The following XYLT1 variants were observed in gnomAD, a reference collection of about 807,000 sequenced individuals.
The protein encoded by XYLT1 is beta-D-xylosyltransferase 1.
A neutral mutation model predicts 91.3 loss-of-function variants in XYLT1; 36 were observed. The ratio of observed to expected loss-of-function variants is 0.39; its 90% CI spans 0.30 to 0.52. The LOEUF (loss-of-function observed/expected upper bound fraction) is 0.52. Among genes scored for constraint, XYLT1 ranks in the 20% least tolerant of loss-of-function variants. The pLI, the probability that XYLT1 is intolerant of heterozygous loss-of-function variation, is 0.68. For synonymous variants in XYLT1, 588 were observed against 532.0 expected, an observed-to-expected ratio of 1.11 and a Z score of -1.45; for missense variants, 1,242 against 1,284.5, an observed-to-expected ratio of 0.97 and a Z score of 0.51.
chr16:17,231,955 A>T (rs191727841), intron 3 of XYLT1, among the ~76,000 whole-genome samples: 231 of 151,712 alleles, frequency 1.5e-3, no homozygotes, highest in African/African-American at 5.2e-3. Context: ...TTATAAAAAA[A>T]TAAACTATGA....
chr16:17,120,658 C>A (rs968996622), intron 10 of XYLT1, among the ~76,000 whole-genome samples: 1 of 151,900 alleles, frequency 6.6e-6, no homozygotes, highest in Non-Finnish European at 1.5e-5. Context: ...CTCCTGACCC[C>A]CACAGTACTG....
chr16:17,167,208 C>T (rs1213878684), intron 5 of XYLT1, among the ~76,000 whole-genome samples: 2 of 152,202 alleles, frequency 1.3e-5, no homozygotes, highest in African/African-American at 2.4e-5. Flanking sequence ...GGAATGTGAT[C>T]CATTTCTGTA....
intron 1 of XYLT1, among the ~76,000 whole-genome samples, chr16:17,358,945 A>G (rs1019721961): frequency 2.6e-5 from 4 of 152,186 alleles, no homozygotes; most frequent in African/African-American, 9.6e-5. Context: ...CACTCTGTAC[A>G]AAAGCCGATT....
intron 1 of XYLT1, among the ~76,000 whole-genome samples, chr16:17,398,562 AG>A (rs1182101351): frequency 6.6e-6 from 1 of 152,166 alleles, no homozygotes; most frequent in African/African-American, 2.4e-5. Flanking sequence ...GCCATAACAA[AG>A]CACCACTAAA....
chr16:17,310,223 TACCAGGTTTTCACTCAC>T (rs1367301854), intron 2 of XYLT1, among the ~76,000 whole-genome samples: 2 of 152,210 alleles, frequency 1.3e-5, no homozygotes, highest in Non-Finnish European at 2.9e-5. Context: ...CTTTAGCCAT[TACCAGGTTTTCACTCAC>T]ACCAGGACCT....
chr16:17,258,926 G>T, intron 3 of XYLT1, 62 bp downstream of exon 3: 1 of 1,458,602 alleles, frequency 6.9e-7, no homozygotes, highest in Non-Finnish European at 9.0e-7. Context: ...GCAGAATGGG[G>T]CTGGGCAGGA....
intron 1 of XYLT1, among the ~76,000 whole-genome samples, chr16:17,443,536 G>A (rs1567205032): frequency 6.6e-6 from 1 of 152,170 alleles, no homozygotes; most frequent in Non-Finnish European, 1.5e-5. Context: ...CACCATGATT[G>A]TAAGTTTCCT....
chr16:17,277,373 C>T (rs138036591), intron 2 of XYLT1, among the ~76,000 whole-genome samples: 34 of 152,064 alleles, frequency 2.2e-4, no homozygotes, highest in African/African-American at 7.2e-4. Context: ...TAGAAGTTCT[C>T]GGTGTCTACT....
chr16:17,169,899 T>C (rs1049105268), intron 5 of XYLT1, among the ~76,000 whole-genome samples: 5 of 152,190 alleles, frequency 3.3e-5, no homozygotes, highest in Non-Finnish European at 7.4e-5. Context: ...CATCGAAAGA[T>C]TGAATCTTAA....
chr16:17,402,243 C>A (rs548315109), intron 1 of XYLT1, among the ~76,000 whole-genome samples: 1 of 151,812 alleles, frequency 6.6e-6, no homozygotes, highest in Non-Finnish European at 1.5e-5. Context: ...TCCCTTGAGC[C>A]GGTGAGGTCA....
intron 1 of XYLT1, among the ~76,000 whole-genome samples, chr16:17,465,441 G>C (rs2036880928): frequency 6.6e-6 from 1 of 151,520 alleles, no homozygotes; most frequent in African/African-American, 2.4e-5. Flanking sequence ...CATTATTCCT[G>C]CCACATAACA....
chr16:17,249,650 TTTTGTTTGTTTG>T (rs10607398), intron 3 of XYLT1: 3,393 of 151,864 alleles, frequency 0.022, 114 homozygotes, highest in Admixed American at 0.1. Context: ...TATGTAGTTT[TTTTGTTTGTTTG>T]TTTGTTTGTT....
At chr16:17,287,756 A>C (rs1231614902) in intron 2 of XYLT1, among the ~76,000 whole-genome samples, 1 of 152,162 alleles carries the variant, frequency 6.6e-6, no homozygotes, top group African/African-American at 2.4e-5. Flanking sequence ...GGAGCAGGGG[A>C]GGCAAAAGAA....
At chr16:17,250,391 G>A (rs1294784699) in intron 3 of XYLT1, 6 of 152,192 alleles carry the variant, frequency 3.9e-5, no homozygotes, top group East Asian at 1.9e-4. Context: ...CTCACATTTC[G>A]GTGACCATAA....
intron 1 of XYLT1, among the ~76,000 whole-genome samples, chr16:17,367,145 C>T (rs996575783): frequency 6.6e-6 from 1 of 152,192 alleles, no homozygotes; most frequent in Non-Finnish European, 1.5e-5. Context: ...CGGCTCAGTC[C>T]TGACAGAGTG....
At chr16:17,118,285 C>CGAGTGAATGAATGAACGAATGAATGAAT (rs2029923409) in intron 10 of XYLT1, among the ~76,000 whole-genome samples, 2 of 151,470 alleles carry the variant, frequency 1.3e-5, no homozygotes, top group South Asian at 4.2e-4. Flanking sequence ...AATGAATGAA[C>CGAGTGAATGAATGAACGAATGAATGAAT]GAATGAATGA....
chr16:17,339,891 T>C (rs1362419285), intron 2 of XYLT1, among the ~76,000 whole-genome samples: 2 of 150,362 alleles, frequency 1.3e-5, no homozygotes, highest in Non-Finnish European at 2.9e-5. Flanking sequence ...TCCATCATCA[T>C]CCATCCATCA....
In XYLT1 at chr16:17,448,059, T is replaced by TA. The variant is rs1322497133; in HGVS notation, c.363+22374dup. ...CATCCCAGATTTCAGAAAGGCTATT[T>TA]ACTAAATATTAAAAATGTGTATCTT... On this transcript the variant is annotated intron_variant, in intron 1 of 11. Coordinates refer to ENST00000261381, the MANE Select transcript of XYLT1 (RefSeq NM_022166.4). Among the ~76,000 whole-genome samples the TA allele has an allele frequency of 2.0e-5, 3 of 152,318 alleles. No homozygotes were observed. The East Asian group carries it at 5.8e-4, about 29-fold the overall frequency.
intron 2 of XYLT1, among the ~76,000 whole-genome samples, chr16:17,295,806 C>A (rs969975966): frequency 6.6e-6 from 1 of 152,154 alleles, no homozygotes; most frequent in African/African-American, 2.4e-5. Flanking sequence ...TCCTGTAATG[C>A]ACAGGACGAC....
Sources: gnomAD v4.1 joint callset for allele counts (sites outside exome capture counted in the v4.1 genomes callset) on GRCh38, gnomAD v4.1.1 for gene constraint, MANE v1.5 for transcripts, NCBI Gene and HGNC (gene_info 2026-07-23, HGNC 2026-07-21) for gene names.